Variants in MAGI1 observed in about 807,000 individuals in gnomAD.
The protein encoded by MAGI1 is membrane associated guanylate kinase, WW and PDZ domain containing 1.
In MAGI1, 58 loss-of-function variants were observed where a neutral mutation model predicts 139.9. The ratio of observed to expected loss-of-function variants is 0.41; its 90% CI spans 0.34 to 0.52. The LOEUF is 0.52. Ranked by LOEUF, MAGI1 falls within the 20% of genes least tolerant of loss-of-function variation. The pLI, the probability that MAGI1 is intolerant of heterozygous loss-of-function variation, is 0.12. For synonymous variants in MAGI1, 812 were observed against 737.9 expected (o/e 1.10, Z -1.63); for missense variants, 1,874 against 1,901.6 (o/e 0.99, Z 0.27).
At chr3:65,807,178 A>G (rs1390047392) in intron 1 of MAGI1, among the ~76,000 whole-genome samples, 1 of 152,196 alleles carries the variant, frequency 6.6e-6, no homozygotes, top group Non-Finnish European at 1.5e-5. Flanking sequence ...TCCTGTTGCT[A>G]TAACAGAACG....
intron 1 of MAGI1, among the ~76,000 whole-genome samples, chr3:65,627,027 C>T (rs17031796): frequency 0.055 from 8,400 of 152,224 alleles, 484 homozygotes; most frequent in African/African-American, 0.14. Flanking sequence ...AGGTCAGAAA[C>T]ACAGTCATAC....
At chr3:65,955,100 G>C (rs1208324958) in intron 1 of MAGI1, among the ~76,000 whole-genome samples, 1 of 152,144 alleles carries the variant, frequency 6.6e-6, no homozygotes, top group Admixed American at 6.5e-5. Flanking sequence ...CTTCCCGAAA[G>C]AGAGAGACAG....
At chr3:65,758,697 T>C (rs1393221732) in intron 1 of MAGI1, among the ~76,000 whole-genome samples, 3 of 152,098 alleles carry the variant, frequency 2.0e-5, no homozygotes, top group African/African-American at 4.8e-5. Context: ...TACCCTACAA[T>C]GCACAGGACA....
chr3:65,963,077 C>A (rs1474002003), intron 1 of MAGI1, among the ~76,000 whole-genome samples: 1 of 149,422 alleles, frequency 6.7e-6, no homozygotes, highest in Non-Finnish European at 1.5e-5. Context: ...ACGTCTGTAA[C>A]CCTAGCACTT....
rs567824765 is a variant in MAGI1 at position 65,683,185 on chromosome 3, G to A, written c.314-61097C>T. ...TACCACTGTGTGGCCTGGGGGATGG[G>A]GACCCCTGGTATACAATGGTGGATA... On this transcript the variant is annotated intron_variant, in intron 1 of 22. Coordinates refer to ENST00000402939, the MANE Select transcript of MAGI1 (RefSeq NM_001033057.2). 5.9e-5 allele frequency among the ~76,000 whole-genome samples: 9 copies of A among 152,226 alleles called. 1 individual carries two copies. In the East Asian group the frequency reaches 1.5e-3, roughly 26 times the overall value.
intron 1 of MAGI1, among the ~76,000 whole-genome samples, chr3:65,747,451 T>C (rs2035799267): frequency 6.6e-6 from 1 of 152,234 alleles, no homozygotes. Context: ...TATTTAGTTC[T>C]AGAAACTATT....
intron 1 of MAGI1, among the ~76,000 whole-genome samples, chr3:65,811,302 C>A (rs927808453): frequency 6.6e-6 from 1 of 152,194 alleles, no homozygotes; most frequent in Non-Finnish European, 1.5e-5. Flanking sequence ...TGACATTCCC[C>A]GGTAAGAGGC....
chr3:65,818,749 T>C (rs2108239063), intron 1 of MAGI1, among the ~76,000 whole-genome samples: 1 of 152,312 alleles, frequency 6.6e-6, no homozygotes, highest in South Asian at 2.1e-4. Context: ...ACTTTTATTC[T>C]GAGAGCACGA....
intron 1 of MAGI1, among the ~76,000 whole-genome samples, chr3:65,698,857 A>G (rs1274109959): frequency 2.3e-5 from 3 of 132,348 alleles, no homozygotes; most frequent in Non-Finnish European, 4.8e-5. Context: ...AATGGCAACA[A>G]AAGACAAAAC....
At chr3:65,401,736 A>G (rs906744695) in intron 12 of MAGI1, 1 of 1,475,754 alleles carries the variant, frequency 6.8e-7, no homozygotes, top group Non-Finnish European at 9.0e-7. Context: ...AAAGAAATTC[A>G]CAGACCTCAG....
chr3:65,797,847 G>A (rs1371833506), intron 1 of MAGI1, among the ~76,000 whole-genome samples: 1 of 152,192 alleles, frequency 6.6e-6, no homozygotes, highest in East Asian at 1.9e-4. Flanking sequence ...ATTATTCAAT[G>A]TATGTTGGGA....
intron 22 of MAGI1, among the ~76,000 whole-genome samples, chr3:65,357,709 C>A (rs1256345416): frequency 6.6e-6 from 1 of 151,998 alleles, no homozygotes; most frequent in Non-Finnish European, 1.5e-5. Flanking sequence ...AAATCTACTG[C>A]ACTGTATATT....
At chr3:65,359,890 T>C (rs1001521842) in intron 22 of MAGI1, 7 of 985,228 alleles carry the variant, frequency 7.1e-6, no homozygotes, top group East Asian at 1.1e-4. Context: ...AACAGAAGCA[T>C]AGGGAAGACA....
chr3:65,897,138 A>G (rs1362757243), intron 1 of MAGI1, among the ~76,000 whole-genome samples: 1 of 152,204 alleles, frequency 6.6e-6, no homozygotes, highest in Non-Finnish European at 1.5e-5. Context: ...TATTTGTACT[A>G]TATTTAGTAC....
At chr3:65,857,028 T>G (rs1250816875) in intron 1 of MAGI1, among the ~76,000 whole-genome samples, 1 of 151,986 alleles carries the variant, frequency 6.6e-6, no homozygotes, top group Non-Finnish European at 1.5e-5. Context: ...TTGACAGGAG[T>G]TGGCCAGCTC....
At chr3:65,867,968 C>G (rs561918515) in intron 1 of MAGI1, among the ~76,000 whole-genome samples, 5 of 152,262 alleles carry the variant, frequency 3.3e-5, no homozygotes, top group African/African-American at 7.2e-5. Flanking sequence ...AACCACTGAT[C>G]TATCAGGAAT....
intron 14 of MAGI1, among the ~76,000 whole-genome samples, chr3:65,389,846 C>T (rs567024021): frequency 1.2e-4 from 19 of 152,278 alleles, no homozygotes; most frequent in African/African-American, 3.6e-4. Context: ...CATTGTGGTA[C>T]CAAGAAGGCA....
intron 1 of MAGI1, among the ~76,000 whole-genome samples, chr3:66,021,313 G>A (rs1351511213): frequency 3.3e-5 from 5 of 152,112 alleles, no homozygotes; most frequent in Admixed American, 6.5e-5. Context: ...TCTTTCCACC[G>A]GAGTTCCCTT....
chr3:65,926,898 G>A (rs556145780), intron 1 of MAGI1, among the ~76,000 whole-genome samples: 1 of 152,258 alleles, frequency 6.6e-6, no homozygotes, highest in African/African-American at 2.4e-5. Context: ...AAGAGGCTGA[G>A]GCAGAAGAAT....
Sources: gnomAD v4.1 joint callset for allele counts (sites outside exome capture counted in the v4.1 genomes callset) on GRCh38, gnomAD v4.1.1 for gene constraint, MANE v1.5 for transcripts, NCBI Gene and HGNC (gene_info 2026-07-23, HGNC 2026-07-21) for gene names.